LRRC4C: variants seen among roughly 807,000 people sequenced by gnomAD.
LRRC4C encodes the protein leucine rich repeat containing 4C.
LRRC4C carries 5 observed loss-of-function variants against 33.6 expected under a neutral mutation model. The observed-to-expected ratio is 0.15, with a 90% CI of 0.08 to 0.31. The LOEUF (loss-of-function observed/expected upper bound fraction) is 0.31. Among genes scored for constraint, LRRC4C ranks in the 10% least tolerant of loss-of-function variants. The probability of loss-of-function intolerance (pLI) is 1.00; values close to 1 mark genes in which losing one functional copy is unlikely to be tolerated. For synonymous variants in LRRC4C, 329 were observed against 302.0 expected, an observed-to-expected ratio of 1.09 and a Z score of -0.93; for missense variants, 560 against 796.7, an observed-to-expected ratio of 0.70 and a Z score of 3.58.
intron 2 of LRRC4C, among the ~76,000 whole-genome samples, chr11:40,807,286 G>GGT (rs1204262470): frequency 6.6e-6 from 1 of 152,134 alleles, no homozygotes; most frequent in African/African-American, 2.4e-5. Context: ...GTACCCTGTT[G>GGT]GTGCTACTAG....
rs1958475089 is a variant in LRRC4C at position 40,947,814 on chromosome 11, G to A, written c.-495-14091C>T. On this transcript the variant is annotated intron_variant, in intron 1 of 6. Coordinates refer to ENST00000528697, the MANE Select transcript of LRRC4C (RefSeq NM_001258419.2). Reference sequence around the variant, plus strand: ...TCCCTGTACTCCCAGCTCTTTGACTGTGTCCCCTGTCCTCAGACTAGGGCC... The same window carrying A: ...TCCCTGTACTCCCAGCTCTTTGACTATGTCCCCTGTCCTCAGACTAGGGCC... 1.3e-5 allele frequency among the ~76,000 whole-genome samples: 2 copies of A among 151,976 alleles called. 1 individual carries two copies. Among genetic ancestry groups the A allele is most frequent in the South Asian group, 4.1e-4 (2 of 4,824 alleles).
intron 1 of LRRC4C, among the ~76,000 whole-genome samples, chr11:41,042,070 A>G (rs1253039461): frequency 6.6e-6 from 1 of 152,182 alleles, no homozygotes; most frequent in Non-Finnish European, 1.5e-5. Flanking sequence ...TCTCTTTCCA[A>G]CTAAAATGGT....
chr11:41,243,005 T>C (rs1948313611), intron 1 of LRRC4C, among the ~76,000 whole-genome samples: 2 of 152,224 alleles, frequency 1.3e-5, no homozygotes, highest in Admixed American at 1.3e-4. Flanking sequence ...ATCCCTGTTT[T>C]TGAAAAATAA....
chr11:41,385,811 A>G (rs1038627441), intron 1 of LRRC4C, among the ~76,000 whole-genome samples: 4 of 151,656 alleles, frequency 2.6e-5, no homozygotes, highest in Non-Finnish European at 5.9e-5. Flanking sequence ...CTGCAGGACA[A>G]CAAATCTTAG....
At chr11:40,778,770 G>A (rs1241145920) in intron 2 of LRRC4C, among the ~76,000 whole-genome samples, 2 of 152,188 alleles carry the variant, frequency 1.3e-5, no homozygotes, top group Non-Finnish European at 2.9e-5. Context: ...CTCAAAGGTA[G>A]AGCAAGTGAA....
chr11:40,683,542 A>G (rs542463524), intron 2 of LRRC4C, among the ~76,000 whole-genome samples: 2 of 152,196 alleles, frequency 1.3e-5, no homozygotes, highest in Non-Finnish European at 2.9e-5. Flanking sequence ...TGATATAAAA[A>G]AAAGTGAAAT....
intron 3 of LRRC4C, among the ~76,000 whole-genome samples, chr11:40,574,466 G>A (rs1251263353): frequency 6.6e-6 from 1 of 152,178 alleles, no homozygotes; most frequent in African/African-American, 2.4e-5. Flanking sequence ...ACAAACCTGA[G>A]CTAAGGGAGG....
rs114372466 is a variant in LRRC4C at position 40,432,666 on chromosome 11, C to T, written c.-269-112945G>A. 2.2e-3 allele frequency among the ~76,000 whole-genome samples: 337 copies of T among 152,234 alleles called. 3 individuals carry two copies. The highest frequency in any genetic ancestry group is 7.7e-3 in the African/African-American group (321 of 41,552). On this transcript the variant is annotated intron_variant, in intron 3 of 6. Coordinates refer to ENST00000528697, the MANE Select transcript of LRRC4C (RefSeq NM_001258419.2). ...AATGTATGGATATCTTCATGTTATCCCAGACTCTAACAGTTTCCTTCTGTT... is the reference window on the plus strand; with the variant it reads ...AATGTATGGATATCTTCATGTTATCTCAGACTCTAACAGTTTCCTTCTGTT...
intron 2 of LRRC4C, among the ~76,000 whole-genome samples, chr11:40,808,409 A>C (rs1397414453): frequency 6.6e-6 from 1 of 152,142 alleles, no homozygotes; most frequent in East Asian, 1.9e-4. Flanking sequence ...CCTATTACTC[A>C]AGTCAGCCAG....
chr11:41,187,871 C>G (rs1490836858), intron 1 of LRRC4C, among the ~76,000 whole-genome samples: 1 of 152,214 alleles, frequency 6.6e-6, no homozygotes, highest in Non-Finnish European at 1.5e-5. Flanking sequence ...AGCCACATAC[C>G]AATTACACAT....
chr11:41,107,885 CGAGAT>C (rs1774945719), intron 1 of LRRC4C, among the ~76,000 whole-genome samples: 1 of 151,268 alleles, frequency 6.6e-6, no homozygotes, highest in South Asian at 2.1e-4. Context: ...TGCTGTGAGC[CGAGAT>C]TGCACCATTG....
chr11:40,753,980 A>G (rs1028592796), intron 2 of LRRC4C, among the ~76,000 whole-genome samples: 2 of 151,912 alleles, frequency 1.3e-5, no homozygotes, highest in Non-Finnish European at 2.9e-5. Context: ...ATATATATTC[A>G]CTGTATATAT....
intron 1 of LRRC4C, among the ~76,000 whole-genome samples, chr11:41,300,714 G>A (rs943008637): frequency 3.9e-5 from 6 of 152,076 alleles, no homozygotes; most frequent in Non-Finnish European, 7.4e-5. Flanking sequence ...GCTATCCAAA[G>A]CTAACCAGAA....
chr11:40,382,123 ATTTTTTTTTT>A (rs77934711), intron 3 of LRRC4C, among the ~76,000 whole-genome samples: 1,008 of 99,922 alleles, frequency 0.01, 7 homozygotes, highest in African/African-American at 0.014. Flanking sequence ...TGCCCGGCTA[ATTTTTTTTTT>A]TTTTTTTTTT....
chr11:40,310,523 T>C (rs1412844173), intron 4 of LRRC4C, among the ~76,000 whole-genome samples: 1 of 152,144 alleles, frequency 6.6e-6, no homozygotes, highest in East Asian at 1.9e-4. Context: ...CGTGCATCAA[T>C]CGGCACATGC....
At position 40,643,905 on chromosome 11, in the gene LRRC4C, C is replaced by A. The variant is rs75089867; in HGVS notation, c.-270+4237G>T. On this transcript the variant is annotated intron_variant, in intron 3 of 6. Transcript: ENST00000528697. ...CAAAACAGAAGGTTTAAACAATATC[C>A]AGAATCTCATAATATCATACTCAAA... 9.1e-3 allele frequency among the ~76,000 whole-genome samples: 1,383 copies of A among 152,182 alleles called. 27 individuals are homozygous for A. Among genetic ancestry groups the A allele is most frequent in the African/African-American group, 0.032 (1,334 of 41,512 alleles).
intron 1 of LRRC4C, among the ~76,000 whole-genome samples, chr11:41,079,352 A>C (rs776576234): frequency 6.6e-6 from 1 of 152,216 alleles, no homozygotes; most frequent in Non-Finnish European, 1.5e-5. Flanking sequence ...ACAAGGCATG[A>C]ATACAAAAGT....
intron 2 of LRRC4C, among the ~76,000 whole-genome samples, chr11:40,762,700 T>C (rs573294773): frequency 6.6e-6 from 1 of 152,138 alleles, no homozygotes; most frequent in Non-Finnish European, 1.5e-5. Flanking sequence ...ATATGAGAAG[T>C]TGACTTGCTT....
chr11:40,637,697 A>G (rs541323955), intron 3 of LRRC4C, among the ~76,000 whole-genome samples: 7 of 152,338 alleles, frequency 4.6e-5, no homozygotes, highest in African/African-American at 1.4e-4. Context: ...AAATATATAT[A>G]GAATCCAACC....
Sources: gnomAD v4.1 joint callset for allele counts (sites outside exome capture counted in the v4.1 genomes callset) on GRCh38, gnomAD v4.1.1 for gene constraint, MANE v1.5 for transcripts, NCBI Gene and HGNC (gene_info 2026-07-23, HGNC 2026-07-21) for gene names.